ACSM1: variants seen among roughly 807,000 people sequenced by gnomAD.
ACSM1 encodes acyl-CoA synthetase medium chain family member 1.
A neutral mutation model predicts 75.8 loss-of-function variants in ACSM1; 79 were observed. The ratio of observed to expected loss-of-function variants is 1.04; its 90% confidence interval spans 0.87 to 1.26. The LOEUF (loss-of-function observed/expected upper bound fraction) is 1.26, where lower values mean the gene tolerates loss of function less well. Ranked by LOEUF, ACSM1 falls within the 50% of genes most tolerant of loss-of-function variation. ACSM1 has a pLI of 0.00. For missense variants in ACSM1, 676 were observed against 720.1 expected (o/e 0.94, Z 0.70); for synonymous variants, 279 against 265.8 (o/e 1.05, Z -0.48).
intron 7 of ACSM1, among the ~76,000 whole-genome samples, chr16:20,657,397 C>A (rs1288535678): frequency 6.6e-6 from 1 of 152,062 alleles, no homozygotes; most frequent in Non-Finnish European, 1.5e-5. Context: ...CAACCTCTGC[C>A]TCCTGTGTTC....
chr16:20,675,042 T>A (rs2020183304), intron 4 of ACSM1, among the ~76,000 whole-genome samples: 1 of 152,036 alleles, frequency 6.6e-6, no homozygotes, highest in African/African-American at 2.4e-5. Context: ...AAGGAAGAGT[T>A]TGCTGGCAGA....
chr16:20,637,004 G>A, intron 9 of ACSM1, 164 bp from the exon 10 acceptor site: 1 of 682,504 alleles, frequency 1.5e-6, no homozygotes, highest in Non-Finnish European at 2.6e-6. Flanking sequence ...ATACGCAAAT[G>A]TGAAACTCAA....
intron 10 of ACSM1, among the ~76,000 whole-genome samples, chr16:20,627,879 T>TACATAC (rs2017071725): frequency 1.6e-4 from 2 of 12,268 alleles, no homozygotes; most frequent in Non-Finnish European, 5.6e-4. Context: ...CATATATATA[T>TACATAC]ATATATATAT....
At chr16:20,683,394 CTGGGATTA>C (rs2079485316) in intron 3 of ACSM1, among the ~76,000 whole-genome samples, 1 of 152,080 alleles carries the variant, frequency 6.6e-6, no homozygotes, top group Non-Finnish European at 1.5e-5. Context: ...TCCCAAAGTG[CTGGGATTA>C]CAGCTGTGAG....
intron 6 of ACSM1, among the ~76,000 whole-genome samples, chr16:20,663,570 A>G (rs1404903420): frequency 1.3e-5 from 2 of 152,018 alleles, no homozygotes; most frequent in Admixed American, 1.3e-4. Context: ...CCTCTAGTTG[A>G]CCTGGACTGG....
At chr16:20,658,182 C>T (rs1318150373) in intron 7 of ACSM1, among the ~76,000 whole-genome samples, 1 of 152,230 alleles carries the variant, frequency 6.6e-6, no homozygotes, top group African/African-American at 2.4e-5. Flanking sequence ...GGAATCATCA[C>T]ACTGTCTTCC....
In ACSM1 at chr16:20,685,288, G is replaced by A; in HGVS notation, c.308C>T (p.Thr103Ile). Reference sequence around the variant, plus strand: ...TCCCTGTTGTAGGCCACAGGTCTGTGTGAAGACGTTGGCTACACGGCGGGT... The same window carrying A: ...TCCCTGTTGTAGGCCACAGGTCTGTATGAAGACGTTGGCTACACGGCGGGT... ...DLTRRVANVF[T>I]QTCGLQQGDH... is the part of the protein sequence containing the mutation. The change falls in exon 3 of 14, where the codon ACA becomes ATA. Residue 103 changes from threonine (T) to isoleucine (I), a missense_variant. By Grantham distance (89) the Thr-to-Ile change is moderately conservative. Coordinates refer to ENST00000520010, the MANE Select transcript of ACSM1 (RefSeq NM_001318890.3). 6.2e-7 allele frequency: 1 copy of A among 1,614,220 alleles called. No individual in the cohort carries two copies.
At chr16:20,693,641 C>T (rs2079674723) in intron 1 of ACSM1, among the ~76,000 whole-genome samples, 1 of 152,192 alleles carries the variant, frequency 6.6e-6, no homozygotes, top group Non-Finnish European at 1.5e-5. Context: ...GTGGCTGGAG[C>T]TGAGAATTGT....
At chr16:20,659,748 G>A (rs184662683) in intron 7 of ACSM1, among the ~76,000 whole-genome samples, 204 of 152,114 alleles carry the variant, frequency 1.3e-3, no homozygotes, top group Non-Finnish European at 2.3e-3. Flanking sequence ...TTTTAAGTCC[G>A]ATAAGACACA....
intron 4 of ACSM1, among the ~76,000 whole-genome samples, chr16:20,672,868 T>TATAAATATAAATATATATAATATATA (rs1246816781): frequency 1.5e-5 from 2 of 129,870 alleles, no homozygotes; most frequent in Non-Finnish European, 3.1e-5. Context: ...ATATATAATA[T>TATAAATATAAATATATATAATATATA]ATAAATATAA....
intron 6 of ACSM1, among the ~76,000 whole-genome samples, chr16:20,668,040 G>A (rs2152267891): frequency 6.6e-6 from 1 of 152,142 alleles, no homozygotes; most frequent in South Asian, 2.1e-4. Flanking sequence ...GGGGGTCGTG[G>A]GCTGAAAAAC....
intron 1 of ACSM1, among the ~76,000 whole-genome samples, chr16:20,695,045 A>C (rs2079682213): frequency 6.6e-6 from 1 of 152,210 alleles, no homozygotes. Context: ...CTAGCAAACC[A>C]ATGTACTCCT....
chr16:20,683,538 C>T (rs1331851777), intron 3 of ACSM1, among the ~76,000 whole-genome samples: 1 of 152,068 alleles, frequency 6.6e-6, no homozygotes, highest in Admixed American at 6.6e-5. Flanking sequence ...CTCCCCTACA[C>T]CTTATTTTCT....
chr16:20,680,660 GC>G (rs2079424569), intron 4 of ACSM1: 1 of 152,224 alleles, frequency 6.6e-6, no homozygotes, highest in African/African-American at 2.4e-5. Context: ...GAAATAACCT[GC>G]CTAGGGCAAC....
chr16:20,658,293 C>T (rs545454431), intron 7 of ACSM1, among the ~76,000 whole-genome samples: 67 of 152,230 alleles, frequency 4.4e-4, no homozygotes, highest in Admixed American at 6.5e-4. Context: ...TTTTAATGAT[C>T]GCCATTCTAA....
chr16:20,666,155 T>C (rs189189262), intron 6 of ACSM1, among the ~76,000 whole-genome samples: 226 of 151,984 alleles, frequency 1.5e-3, no homozygotes, highest in African/African-American at 5.3e-3. Flanking sequence ...GAGAAAGAAA[T>C]AAAAGATATT....
chr16:20,682,927 C>T (rs2079476447), intron 3 of ACSM1, among the ~76,000 whole-genome samples: 2 of 152,064 alleles, frequency 1.3e-5, no homozygotes, highest in African/African-American at 2.4e-5. Flanking sequence ...TATTTCACCA[C>T]ATTGTCCTTT....
intron 8 of ACSM1, among the ~76,000 whole-genome samples, chr16:20,639,227 G>A (rs1298491477): frequency 6.6e-6 from 1 of 152,128 alleles, no homozygotes; most frequent in Non-Finnish European, 1.5e-5. Context: ...TTCCAGACAT[G>A]CATAGTACTC....
chr16:20,641,870 T>C (rs1323801997), intron 7 of ACSM1, among the ~76,000 whole-genome samples: 3 of 152,164 alleles, frequency 2.0e-5, no homozygotes, highest in African/African-American at 7.2e-5. Flanking sequence ...CAAGAACGTG[T>C]AAAAGAAGCT....
Sources: gnomAD v4.1 joint callset for allele counts (sites outside exome capture counted in the v4.1 genomes callset) on GRCh38, gnomAD v4.1.1 for gene constraint, MANE v1.5 for transcripts, NCBI Gene and HGNC (gene_info 2026-07-23, HGNC 2026-07-21) for gene names.